TMPRSS11F: variants seen among roughly 807,000 people sequenced by gnomAD.
The protein encoded by TMPRSS11F is transmembrane protease serine 11F.
TMPRSS11F carries 47 observed loss-of-function variants against 60.2 expected under a neutral mutation model. That is an observed-to-expected ratio of 0.78 (90% CI 0.62 to 1.00). TMPRSS11F has a LOEUF of 1.00. TMPRSS11F is among the 50% of genes least tolerant of loss of function. The probability of loss-of-function intolerance (pLI) is 0.00; values close to 1 mark genes in which losing one functional copy is unlikely to be tolerated. For synonymous variants in TMPRSS11F, 166 were observed against 167.3 expected (o/e 0.99, Z 0.06); for missense variants, 519 against 522.9 (o/e 0.99, Z 0.07).
chr4:68,128,464 C>T (rs1291603671), intron 1 of TMPRSS11F, among the ~76,000 whole-genome samples: 1 of 151,910 alleles, frequency 6.6e-6, no homozygotes. Context: ...CTCTAATAAA[C>T]TCTGGATCAA....
At chr4:68,101,607 A>C (rs1724191393) in intron 1 of TMPRSS11F, among the ~76,000 whole-genome samples, 1 of 152,142 alleles carries the variant, frequency 6.6e-6, no homozygotes, top group Non-Finnish European at 1.5e-5. Flanking sequence ...AAATTCCTAT[A>C]TGTTTCTCCT....
At chr4:68,074,059 A>C (rs1723536067) in intron 3 of TMPRSS11F, 50 bp from the exon 4 acceptor site, 2 of 1,174,884 alleles carry the variant, frequency 1.7e-6, no homozygotes, top group Non-Finnish European at 1.2e-6. Context: ...AAGTAAAATA[A>C]AAAAATAATT....
At chr4:68,070,031 A>G (rs1407596677) in intron 5 of TMPRSS11F, 24 bp from the exon 6 acceptor site, 5 of 1,597,698 alleles carry the variant, frequency 3.1e-6, no homozygotes, top group South Asian at 1.1e-5. Flanking sequence ...AACATGAATT[A>G]GTTGGCAGAA....
intron 3 of TMPRSS11F, chr4:68,080,613 G>T (rs1435975190): frequency 6.6e-6 from 1 of 152,158 alleles, no homozygotes; most frequent in African/African-American, 2.4e-5. Flanking sequence ...AATCACCTCC[G>T]TGATTAATCT....
At position 68,053,785 on chromosome 4, in the gene TMPRSS11F, G is replaced by T. The variant is rs1722987772; in HGVS notation, c.*124C>A. The T allele has an allele frequency of 2.2e-6, 2 of 928,806 alleles. No individual in the cohort carries two copies. The highest frequency in any genetic ancestry group is 3.2e-6 in the Non-Finnish European group (2 of 625,816). The allele number at this position is 928,806 out of a possible 1,614,324, so 57.5% of individuals were successfully genotyped here. A position where few individuals can be genotyped will look rare whatever the true frequency, so the allele number is the denominator to read the frequency against. On this transcript the variant is annotated 3_prime_UTR_variant, in exon 10 of 10. Coordinates refer to ENST00000356291, the MANE Select transcript of TMPRSS11F (RefSeq NM_207407.2). ...CCACCTCAGGATATTAGATTTGTCT[G>T]GGTCTGAAGGGCTTCTTGACATCTA...
At position 68,086,741 on chromosome 4, in the gene TMPRSS11F, A is replaced by C. The variant is rs111726307; in HGVS notation, c.282+3782T>G. Among the ~76,000 whole-genome samples, 254 of 151,926 alleles carry C rather than the reference A, an allele frequency of 1.7e-3. 2 individuals are homozygous for C. The highest frequency in any genetic ancestry group is 6.0e-3 in the African/African-American group (248 of 41,460). On this transcript the variant is annotated intron_variant, in intron 3 of 9. Coordinates refer to ENST00000356291, the MANE Select transcript of TMPRSS11F (RefSeq NM_207407.2). Reference sequence around the variant, plus strand: ...CACAGAAATACTCAGTCTATTATGAACACCCCTATGCATGTAAATTAGAAA... The same window carrying C: ...CACAGAAATACTCAGTCTATTATGACCACCCCTATGCATGTAAATTAGAAA...
chr4:68,076,571 T>C (rs1723588145), intron 3 of TMPRSS11F, among the ~76,000 whole-genome samples: 1 of 152,210 alleles, frequency 6.6e-6, no homozygotes, highest in Non-Finnish European at 1.5e-5. Context: ...AACCTGTGCC[T>C]GCTCTGCAAC....
chr4:68,081,955 G>A (rs1723703172), intron 3 of TMPRSS11F, among the ~76,000 whole-genome samples: 1 of 152,110 alleles, frequency 6.6e-6, no homozygotes, highest in Non-Finnish European at 1.5e-5. Flanking sequence ...AACTTGTTGG[G>A]GGAGTGGCAA....
At chr4:68,104,595 T>C (rs1234027310) in intron 1 of TMPRSS11F, among the ~76,000 whole-genome samples, 1 of 152,192 alleles carries the variant, frequency 6.6e-6, no homozygotes, top group Non-Finnish European at 1.5e-5. Context: ...TCCCCAGCCC[T>C]GCAGAACTGT....
At chr4:68,129,612 C>T (rs1724779719) in intron 1 of TMPRSS11F, among the ~76,000 whole-genome samples, 198 bp downstream of exon 1, 1 of 152,108 alleles carries the variant, frequency 6.6e-6, no homozygotes, top group Non-Finnish European at 1.5e-5. Flanking sequence ...AAAAACACCA[C>T]ATTGGCCTCT....
At position 68,065,095 on chromosome 4, in the gene TMPRSS11F, T is replaced by C. The variant is rs112344203; in HGVS notation, c.756-151A>G. ...AGTTGATAACATAATAGGAAAAAAATTGTTTTTAAATTTATTACAATTAAT... is the reference window on the plus strand; with the variant it reads ...AGTTGATAACATAATAGGAAAAAAACTGTTTTTAAATTTATTACAATTAAT... On this transcript the variant is annotated intron_variant, in intron 7 of 9. Transcript: ENST00000356291. 1.5e-3 allele frequency: 1,110 copies of C among 725,964 alleles called. 14 individuals are homozygous for C. The African/African-American group carries it at 0.018, about 12-fold the overall frequency. 45.0% of individuals were successfully genotyped at this position (725,964 alleles called of 1,614,324 possible).
chr4:68,117,057 G>A lies in TMPRSS11F; in HGVS notation c.11+12753C>T, dbSNP rs552029090. 1.5e-4 allele frequency among the ~76,000 whole-genome samples: 23 copies of A among 152,016 alleles called. 1 individual carries two copies. Among genetic ancestry groups the A allele is most frequent in the South Asian group, 2.1e-4 (1 of 4,812 alleles). ...GGAATCAATTAACAAATTAAAAGGC[G>A]GTCTACCAAATGAGAGAAAATATTT... is the stretch of plus-strand genomic sequence containing the variant. On this transcript the variant is annotated intron_variant, in intron 1 of 9. Coordinates refer to ENST00000356291, the MANE Select transcript of TMPRSS11F (RefSeq NM_207407.2).
intron 7 of TMPRSS11F, among the ~76,000 whole-genome samples, chr4:68,066,855 A>G (rs1440593266): frequency 6.6e-6 from 1 of 150,744 alleles, no homozygotes. Context: ...AATGGCGTGA[A>G]CCCGGGAGGC....
intron 8 of TMPRSS11F, 115 bp downstream of exon 8, chr4:68,064,570 C>G: frequency 8.1e-7 from 1 of 1,230,684 alleles, no homozygotes; most frequent in South Asian, 1.5e-5. Context: ...CAAGGCCACA[C>G]ATACTGGAAA....
intron 1 of TMPRSS11F, among the ~76,000 whole-genome samples, chr4:68,106,479 A>G (rs1276845040): frequency 6.6e-6 from 1 of 152,214 alleles, no homozygotes; most frequent in Non-Finnish European, 1.5e-5. Flanking sequence ...AACACTAATC[A>G]GAGGATTGCA....
At chr4:68,062,662 C>T in intron 8 of TMPRSS11F, 1 of 768,672 alleles carries the variant, frequency 1.3e-6, no homozygotes, top group South Asian at 1.3e-5. Flanking sequence ...TCCAGCCTAT[C>T]ATCTTTCTTC....
intron 2 of TMPRSS11F, among the ~76,000 whole-genome samples, chr4:68,093,796 A>C (rs1171155075): frequency 2.0e-5 from 3 of 151,560 alleles, no homozygotes; most frequent in Non-Finnish European, 2.9e-5. Context: ...ACACATGAAA[A>C]AATGCTCACC....
chr4:68,120,420 G>A (rs1337879927), intron 1 of TMPRSS11F, among the ~76,000 whole-genome samples: 3 of 140,400 alleles, frequency 2.1e-5, no homozygotes, highest in South Asian at 2.2e-4. Flanking sequence ...ACGGAGTCTC[G>A]CTCTGTCGCC....
At chr4:68,128,413 T>C (rs1724755602) in intron 1 of TMPRSS11F, among the ~76,000 whole-genome samples, 1 of 152,092 alleles carries the variant, frequency 6.6e-6, no homozygotes, top group African/African-American at 2.4e-5. Flanking sequence ...CGTAGAATTA[T>C]TATATGTCAA....
Sources: gnomAD v4.1 joint callset for allele counts (sites outside exome capture counted in the v4.1 genomes callset) on GRCh38, gnomAD v4.1.1 for gene constraint, MANE v1.5 for transcripts, NCBI Gene and HGNC (gene_info 2026-07-23, HGNC 2026-07-21) for gene names.